ADCY9: variants seen among roughly 807,000 people sequenced by gnomAD.
ADCY9 encodes the protein adenylate cyclase type 9.
In ADCY9, 50 loss-of-function variants were observed where a neutral mutation model predicts 101.5. The observed-to-expected ratio is 0.49, with a 90% CI of 0.39 to 0.62. The LOEUF (loss-of-function observed/expected upper bound fraction) is 0.62, where lower values mean the gene tolerates loss of function less well. ADCY9 is among the 20% of genes least tolerant of loss of function. ADCY9 has a pLI of 0.00. For missense variants in ADCY9, 1,662 were observed against 1,800.4 expected (o/e 0.92, Z 1.39); for synonymous variants, 905 against 769.3 (o/e 1.18, Z -2.92).
downstream of ADCY9, among the ~76,000 whole-genome samples, chr16:3,958,942 T>C (rs1167548694): frequency 1.3e-5 from 2 of 151,774 alleles, no homozygotes; most frequent in African/African-American, 2.4e-5. Flanking sequence ...CCCAAAGTGC[T>C]GGGACCACAG....
At chr16:3,978,470 G>A (rs1241260170) in intron 8 of ADCY9, among the ~76,000 whole-genome samples, 1 of 152,216 alleles carries the variant, frequency 6.6e-6, no homozygotes. Flanking sequence ...CTGTGTGCCA[G>A]GTATGCTTCT....
intron 2 of ADCY9, among the ~76,000 whole-genome samples, chr16:4,055,661 G>A (rs1170115914): frequency 1.3e-5 from 2 of 151,894 alleles, no homozygotes; most frequent in South Asian, 2.1e-4. Flanking sequence ...GTGAAACCCC[G>A]TCTCTACTAA....
At position 3,965,581 on chromosome 16, in the gene ADCY9, A is replaced by T; in HGVS notation, c.*194T>A. On this transcript the variant is annotated 3_prime_UTR_variant, in exon 11 of 11. Coordinates refer to ENST00000294016, the MANE Select transcript of ADCY9 (RefSeq NM_001116.4). ...CCCAGAGGCAGCGGGGTTTCCAGGG[A>T]AGGGAGCGAAAGGGAAGAATGGATG... is the stretch of plus-strand genomic sequence containing the variant. 1 of 615,654 alleles carries T rather than the reference A, an allele frequency of 1.6e-6. No individual in the cohort carries two copies. The highest frequency in any genetic ancestry group is 2.1e-5 in the South Asian group (1 of 48,082). The allele number at this position is 615,654 out of a possible 1,614,324, so 38.1% of individuals were successfully genotyped here.
downstream of ADCY9, among the ~76,000 whole-genome samples, chr16:3,960,062 CAAT>C (rs1171938458): frequency 6.6e-6 from 1 of 152,056 alleles, no homozygotes; most frequent in East Asian, 1.9e-4. Context: ...ACGCATGTAA[CAAT>C]GAGTAGCATT....
chr16:3,969,791 C>A (rs1421188769), intron 10 of ADCY9, among the ~76,000 whole-genome samples: 1 of 149,294 alleles, frequency 6.7e-6, no homozygotes, highest in Non-Finnish European at 1.5e-5. Context: ...ATTTTTTGAA[C>A]TTTTTGTAGA....
chr16:3,982,710 C>T (rs1400485087), intron 7 of ADCY9: 2 of 156,738 alleles, frequency 1.3e-5, no homozygotes, highest in Non-Finnish European at 2.8e-5. Flanking sequence ...TCTGTGGGTT[C>T]TTTCTCTTTC....
rs965962267 is a variant in ADCY9, at chr16:3,965,425, A to G, written c.*350T>C. 1.4e-5 allele frequency: 4 copies of G among 293,610 alleles called. No individual in the cohort carries two copies. The highest frequency in any genetic ancestry group is 1.3e-5 in the Non-Finnish European group (2 of 158,122). 18.2% of individuals were successfully genotyped at this position (293,610 alleles called of 1,614,324 possible). ...GAAAAAGCAATAAAAATGAGATCTT[A>G]ACCACAGCTTTTGTTCTAAAAGTCA... On this transcript the variant is annotated 3_prime_UTR_variant, in exon 11 of 11. Transcript: ENST00000294016.
intron 10 of ADCY9, among the ~76,000 whole-genome samples, chr16:3,972,188 C>T (rs575868092): frequency 1.4e-3 from 213 of 151,914 alleles, no homozygotes; most frequent in African/African-American, 4.0e-3. Flanking sequence ...TTCCTAAATT[C>T]AAATAGCAAA....
In ADCY9 at chr16:4,058,294, G is replaced by A. The variant is rs368948673; in HGVS notation, c.1694-50736C>T. 7.6e-4 allele frequency among the ~76,000 whole-genome samples: 113 copies of A among 148,962 alleles called. 1 individual carries two copies. Among genetic ancestry groups the A allele is most frequent in the East Asian group, 7.4e-3 (37 of 5,004 alleles). On this transcript the variant is annotated intron_variant, in intron 2 of 10. Transcript: ENST00000294016. ...CCCTGGCCAACACGGTAAAACCCCC[G>A]TCTCTACTAAAAATACAAAAATTAG...
At chr16:4,051,322 G>C (rs1389543328) in intron 2 of ADCY9, among the ~76,000 whole-genome samples, 3 of 151,842 alleles carry the variant, frequency 2.0e-5, no homozygotes, top group Admixed American at 1.3e-4. Flanking sequence ...TCAGGGGATT[G>C]AGACCATCCT....
chr16:4,078,580 CA>C lies in ADCY9; in HGVS notation c.1693+35169del, dbSNP rs1395654548. ...AAAAAAAGAAAAAAAAAAAAGAAAA[CA>C]AAAACATAAAAGTATTAGAAGAAAA... On this transcript the variant is annotated intron_variant, in intron 2 of 10. Coordinates refer to ENST00000294016, the MANE Select transcript of ADCY9 (RefSeq NM_001116.4). Among the ~76,000 whole-genome samples, 13 of 70,722 alleles carry C rather than the reference CA, an allele frequency of 1.8e-4. No homozygotes were observed. In the South Asian group the frequency reaches 1.9e-3, roughly 10 times the overall value. 46.4% of individuals were successfully genotyped at this position (70,722 alleles called of 152,430 possible).
chr16:3,991,361 A>T (rs1030417869), intron 5 of ADCY9, among the ~76,000 whole-genome samples: 1 of 152,146 alleles, frequency 6.6e-6, no homozygotes, highest in African/African-American at 2.4e-5. Context: ...CCTGAGGAGG[A>T]CACGGCATCC....
chr16:4,104,010 A>G (rs1207065580), intron 2 of ADCY9, among the ~76,000 whole-genome samples: 1 of 152,178 alleles, frequency 6.6e-6, no homozygotes, highest in Non-Finnish European at 1.5e-5. Context: ...GCAGCTGTGC[A>G]GCTGTTTGGA....
intron 2 of ADCY9, among the ~76,000 whole-genome samples, chr16:4,079,852 T>C (rs1254972675): frequency 2.0e-5 from 3 of 152,092 alleles, no homozygotes; most frequent in Non-Finnish European, 4.4e-5. Context: ...CTCTAGTTGG[T>C]AAATGTTTTT....
At chr16:4,037,633 T>C (rs1286267880) in intron 2 of ADCY9, among the ~76,000 whole-genome samples, 1 of 152,216 alleles carries the variant, frequency 6.6e-6, no homozygotes. Flanking sequence ...CTTAATATTA[T>C]TCTCATATAA....
chr16:4,096,217 T>G (rs1040893142), intron 2 of ADCY9, among the ~76,000 whole-genome samples: 1 of 152,218 alleles, frequency 6.6e-6, no homozygotes, highest in Non-Finnish European at 1.5e-5. Flanking sequence ...TGAGAGTTCG[T>G]AGTTGAAACA....
chr16:4,049,092 G>A (rs745727171), intron 2 of ADCY9, among the ~76,000 whole-genome samples: 3 of 152,172 alleles, frequency 2.0e-5, no homozygotes, highest in Non-Finnish European at 4.4e-5. Context: ...AAGAGCAAGC[G>A]ACTCACAGGG....
At chr16:4,021,893 C>T (rs965930126) in intron 2 of ADCY9, among the ~76,000 whole-genome samples, 8 of 152,206 alleles carry the variant, frequency 5.3e-5, no homozygotes, top group South Asian at 4.1e-4. Context: ...GGAAACTCGA[C>T]GGCAAGCCAC....
At chr16:4,083,856 A>C (rs1257780076) in intron 2 of ADCY9, among the ~76,000 whole-genome samples, 1 of 152,058 alleles carries the variant, frequency 6.6e-6, no homozygotes, top group African/African-American at 2.4e-5. Flanking sequence ...GGCTGGGAGC[A>C]CTGGGGGTGG....
Sources: gnomAD v4.1 joint callset for allele counts (sites outside exome capture counted in the v4.1 genomes callset) on GRCh38, gnomAD v4.1.1 for gene constraint, MANE v1.5 for transcripts, NCBI Gene and HGNC (gene_info 2026-07-23, HGNC 2026-07-21) for gene names.